ADSL: variants seen among roughly 807,000 people sequenced by gnomAD.
ADSL encodes adenylosuccinate lyase.
A neutral mutation model predicts 62.1 loss-of-function variants in ADSL; 44 were observed. The observed-to-expected ratio is 0.71, with a 90% confidence interval of 0.56 to 0.91. The LOEUF is 0.91. Ranked by LOEUF, ADSL falls within the 40% of genes least tolerant of loss-of-function variation. The pLI is 0.00. For missense variants in ADSL, 531 were observed against 627.4 expected (o/e 0.85, Z 1.64); for synonymous variants, 198 against 220.5 (o/e 0.90, Z 0.90).
At chr22:40,362,784 G>A (rs755518374) in intron 9 of ADSL, among the ~76,000 whole-genome samples, 197 bp from the exon 10 acceptor site, 36 of 152,136 alleles carry the variant, frequency 2.4e-4, no homozygotes, top group Admixed American at 5.9e-4. Context: ...CACTCAGTAG[G>A]TATGAGGTCT....
intron 4 of ADSL, among the ~76,000 whole-genome samples, chr22:40,357,247 CTTTTT>C (rs760770992): frequency 3.9e-5 from 4 of 102,782 alleles, no homozygotes; most frequent in South Asian, 3.2e-4. Context: ...TTGATTTGGG[CTTTTT>C]TTTTTTTTTT....
chr22:40,348,578 A>G, intron 1 of ADSL: 1 of 398,562 alleles, frequency 2.5e-6, no homozygotes, highest in Non-Finnish European at 4.4e-6. Flanking sequence ...GATGGGTCTC[A>G]CTGTGTTTTC....
chr22:40,379,720 T>C (rs2047245673), intron 2 of ADSL, among the ~76,000 whole-genome samples: 1 of 152,192 alleles, frequency 6.6e-6, no homozygotes, highest in African/African-American at 2.4e-5. Context: ...TCTCTGTTCT[T>C]ATTATTAAGG....
Position 40,353,385 on chromosome 22 carries a change from C to A in ADSL, c.402+268C>A, listed in dbSNP as rs1201256523. ...AAGGCTTATTGCAACCTCCGCCTCC[C>A]AGGCTCAGACAGCTCTCCTGTCTCA... On this transcript the variant is annotated intron_variant, in intron 3 of 12. Transcript: ENST00000623063. The A allele has an allele frequency of 4.3e-6, 3 of 702,326 alleles. No homozygotes were observed. In the African/African-American group the frequency reaches 5.2e-5, roughly 12 times the overall value. 43.5% of individuals were successfully genotyped at this position (702,326 alleles called of 1,614,324 possible).
chr22:40,352,831 T>A (rs919647128), intron 2 of ADSL, among the ~76,000 whole-genome samples: 1 of 152,200 alleles, frequency 6.6e-6, no homozygotes, highest in Admixed American at 6.5e-5. Flanking sequence ...TACCTTGGGC[T>A]TTATAAGTAT....
chr22:40,369,797 G>A (rs1569109442), downstream of ADSL, among the ~76,000 whole-genome samples: 1 of 152,172 alleles, frequency 6.6e-6, no homozygotes, highest in Non-Finnish European at 1.5e-5. Context: ...GTTCTGGGCA[G>A]AACTTGGGGC....
At position 40,364,912 on chromosome 22, in the gene ADSL, G is replaced by A. The variant is rs2044941072; in HGVS notation, c.1224G>A (p.Gln408=). 6.2e-7 allele frequency: 1 copy of A among 1,614,234 alleles called. No individual in the cohort carries two copies. Among genetic ancestry groups the A allele is most frequent in the Non-Finnish European group, 8.5e-7 (1 of 1,180,046 alleles). ...DCHEKIRVLS[Q]QAASVVKQEG... is the part of the protein sequence containing the mutation. Reference sequence around the variant, plus strand: ...ATGAGAAAATCAGAGTGCTTTCTCAGCAGGCAGCTTCTGTGGTTAAGCAGG... The same window carrying A: ...ATGAGAAAATCAGAGTGCTTTCTCAACAGGCAGCTTCTGTGGTTAAGCAGG... The change falls in exon 12 of 13, where the codon CAG becomes CAA. Residue 408 remains glutamine, a synonymous_variant. Coordinates refer to ENST00000623063, the MANE Select transcript of ADSL (RefSeq NM_000026.4).
intron 4 of ADSL, among the ~76,000 whole-genome samples, chr22:40,356,209 A>AG (rs1471611803): frequency 6.6e-6 from 1 of 150,810 alleles, no homozygotes; most frequent in Non-Finnish European, 1.5e-5. Flanking sequence ...CTCAAAAAAA[A>AG]AAAAGAAAAG....
At chr22:40,384,710 G>C (rs1052235596) in intron 2 of ADSL, among the ~76,000 whole-genome samples, 3 of 152,234 alleles carry the variant, frequency 2.0e-5, no homozygotes, top group Admixed American at 6.5e-5. Context: ...GGATCTGGGA[G>C]GCGGAGTTTG....
chr22:40,352,070 C>T (rs1204942383), intron 2 of ADSL: 4 of 152,206 alleles, frequency 2.6e-5, no homozygotes, highest in African/African-American at 9.7e-5. Context: ...TAAAAAAGTA[C>T]CCAGTTGTGT....
intron 1 of ADSL, among the ~76,000 whole-genome samples, chr22:40,349,566 G>A (rs1241877095): frequency 1.3e-5 from 2 of 151,858 alleles, no homozygotes; most frequent in Non-Finnish European, 2.9e-5. Flanking sequence ...GTAGAGACAG[G>A]GTTTCACCGT....
chr22:40,359,869 AT>A (rs1316060601), intron 6 of ADSL, among the ~76,000 whole-genome samples: 4 of 152,164 alleles, frequency 2.6e-5, no homozygotes, highest in African/African-American at 9.7e-5. Flanking sequence ...AAAAAAGAAA[AT>A]GATTTACTTC....
At chr22:40,365,859 A>T (rs1298944275) in intron 12 of ADSL, among the ~76,000 whole-genome samples, 1 of 151,864 alleles carries the variant, frequency 6.6e-6, no homozygotes, top group Non-Finnish European at 1.5e-5. Flanking sequence ...ACAAAATGAG[A>T]TCCTGTCTTA....
rs145295685 is a variant in ADSL, at chr22:40,378,658, G to A, written c.90-11572G>A. Among the ~76,000 whole-genome samples, 145 of 151,540 alleles carry A rather than the reference G, an allele frequency of 9.6e-4. 2 individuals carry two copies. In the East Asian group the frequency reaches 0.018, roughly 19 times the overall value. On this transcript the variant is annotated intron_variant, in intron 2 of 2. Coordinates refer to the ADSL transcript ENST00000498234. Reference sequence around the variant, plus strand: ...GAGGCAGAAGAGGAACCCAGGAGGCGGAGGTTGCAGTGAGCTGAGATCACA... The same window carrying A: ...GAGGCAGAAGAGGAACCCAGGAGGCAGAGGTTGCAGTGAGCTGAGATCACA...
intron 7 of ADSL, among the ~76,000 whole-genome samples, chr22:40,360,825 C>T (rs1421036148): frequency 6.6e-6 from 1 of 150,944 alleles, no homozygotes; most frequent in African/African-American, 2.4e-5. Context: ...TGGGTTCGAG[C>T]GAGCCTCCCA....
chr22:40,367,780 G>C lies in ADSL; in HGVS notation c.*1258G>C, dbSNP rs76164361. The C allele has an allele frequency of 1.3e-5, 2 of 154,798 alleles. No individual in the cohort carries two copies. Among genetic ancestry groups the C allele is most frequent in the African/African-American group, 4.8e-5 (2 of 41,456 alleles). 9.6% of individuals were successfully genotyped at this position (154,798 alleles called of 1,614,324 possible). A position where few individuals can be genotyped will look rare whatever the true frequency, so the allele number is the denominator to read the frequency against. On this transcript the variant is annotated 3_prime_UTR_variant, in exon 13 of 13. Transcript: ENST00000623063. ...GACACAAAACTGGGAGAATTAACAA[G>C]TATGTTTATTTGGTAAAATAAGTTT... is the stretch of plus-strand genomic sequence containing the variant.
rs2045050402 is a variant in ADSL, at chr22:40,367,908, G to A, written c.*1386G>A. The A allele has an allele frequency of 6.6e-6, 1 of 152,220 alleles. No homozygotes were observed. Among genetic ancestry groups the A allele is most frequent in the Admixed American group, 6.5e-5 (1 of 15,284 alleles). 9.4% of individuals were successfully genotyped at this position (152,220 alleles called of 1,614,324 possible). ...TTAATCTTAAACTCAGTATGCACCAGAACTGAGAGAAGACTGTTTTAGGAG... is the reference window on the plus strand; with the variant it reads ...TTAATCTTAAACTCAGTATGCACCAAAACTGAGAGAAGACTGTTTTAGGAG... On this transcript the variant is annotated 3_prime_UTR_variant, in exon 13 of 13. Coordinates refer to ENST00000623063, the MANE Select transcript of ADSL (RefSeq NM_000026.4).
chr22:40,360,383 C>G lies in ADSL; in HGVS notation c.702-19C>G, dbSNP rs1396036308. On this transcript the variant is annotated intron_variant, in intron 6 of 12. Coordinates refer to ENST00000623063, the MANE Select transcript of ADSL (RefSeq NM_000026.4). ...CTTTAAAATATTTTAACCTAAGTCT[C>G]TCTTGTACTTATTCCTAGAGCTTTC... is the stretch of plus-strand genomic sequence containing the variant. 2 of 1,600,204 alleles carry G rather than the reference C, an allele frequency of 1.2e-6. No individual in the cohort carries two copies. The highest frequency in any genetic ancestry group is 3.3e-5 in the Admixed American group (2 of 59,996).
Position 40,354,100 on chromosome 22 carries a change from T to C in ADSL, c.403-148T>C, listed in dbSNP as rs542667281. ...TTACTGTGAACTCTTCCAGGCACTT[T>C]AGGGTACAAAGATGGAAGGATATGG... is the stretch of plus-strand genomic sequence containing the variant. On this transcript the variant is annotated intron_variant, in intron 3 of 12. Coordinates refer to ENST00000623063, the MANE Select transcript of ADSL (RefSeq NM_000026.4). The C allele has an allele frequency of 5.0e-6, 4 of 795,976 alleles. No individual in the cohort carries two copies. The East Asian group carries it at 7.3e-5, about 15-fold the overall frequency. 49.3% of individuals were successfully genotyped at this position (795,976 alleles called of 1,614,324 possible).
Sources: gnomAD v4.1 joint callset for allele counts (sites outside exome capture counted in the v4.1 genomes callset) on GRCh38, gnomAD v4.1.1 for gene constraint, MANE v1.5 for transcripts, NCBI Gene and HGNC (gene_info 2026-07-23, HGNC 2026-07-21) for gene names.